RASGRF2: variants seen among roughly 807,000 people sequenced by gnomAD.
RASGRF2 encodes Ras protein specific guanine nucleotide releasing factor 2.
In RASGRF2, 76 loss-of-function variants were observed where a neutral mutation model predicts 151.0. That is an observed-to-expected ratio of 0.50 (90% CI 0.42 to 0.61). The LOEUF (loss-of-function observed/expected upper bound fraction) is 0.61. Among genes scored for constraint, RASGRF2 ranks in the 20% least tolerant of loss-of-function variants. The probability of loss-of-function intolerance (pLI) is 0.00; values close to 1 mark genes in which losing one functional copy is unlikely to be tolerated. For missense variants in RASGRF2, 1,148 were observed against 1,564.6 expected (o/e 0.73, Z 4.49); for synonymous variants, 504 against 566.5 (o/e 0.89, Z 1.57).
At chr5:81,083,323 A>AT (rs1170822590) in intron 7 of RASGRF2, among the ~76,000 whole-genome samples, 1 of 144,664 alleles carries the variant, frequency 6.9e-6, no homozygotes, top group Admixed American at 7.1e-5. Context: ...ACCCTAGTTT[A>AT]TACTGCCAAG....
chr5:81,148,851 GA>G (rs1754065910), intron 17 of RASGRF2, among the ~76,000 whole-genome samples: 1 of 151,872 alleles, frequency 6.6e-6, no homozygotes, highest in Non-Finnish European at 1.5e-5. Flanking sequence ...AAAATAAGAA[GA>G]AGATATACAA....
At chr5:81,139,146 C>G (rs968708261) in intron 17 of RASGRF2, among the ~76,000 whole-genome samples, 6 of 152,036 alleles carry the variant, frequency 3.9e-5, no homozygotes, top group African/African-American at 1.4e-4. Context: ...GTATTTGACT[C>G]TTTTTGGTGT....
rs1343928016 is a variant in RASGRF2 at position 81,038,234 on chromosome 5, T to G, written c.289-4643T>G. 2.0e-5 allele frequency among the ~76,000 whole-genome samples: 3 copies of G among 152,302 alleles called. No homozygotes were observed. In the East Asian group the frequency reaches 5.8e-4, roughly 29 times the overall value. ...TATGGTATATGTGGAGGAGTGATAT[T>G]GCTAAGGTGAGAGGATATGTGCATC... On this transcript the variant is annotated intron_variant, in intron 1 of 26. Transcript: ENST00000265080.
intron 12 of RASGRF2, among the ~76,000 whole-genome samples, chr5:81,102,430 C>T (rs1315992390): frequency 6.6e-6 from 1 of 152,226 alleles, no homozygotes; most frequent in Non-Finnish European, 1.5e-5. Context: ...CACGGTGGCT[C>T]ATGCCTGTAA....
chr5:81,007,677 A>C (rs1327923871), intron 1 of RASGRF2, among the ~76,000 whole-genome samples: 1 of 152,176 alleles, frequency 6.6e-6, no homozygotes, highest in Non-Finnish European at 1.5e-5. Context: ...ATTTAGGACG[A>C]GGAAAGTGAA....
chr5:81,178,062 A>T (rs982282122), intron 17 of RASGRF2, among the ~76,000 whole-genome samples: 1 of 152,200 alleles, frequency 6.6e-6, no homozygotes, highest in African/African-American at 2.4e-5. Flanking sequence ...TCTTTCTAAA[A>T]TCCTAAAGAT....
intron 3 of RASGRF2, among the ~76,000 whole-genome samples, chr5:81,069,840 G>A (rs901137938): frequency 6.6e-6 from 1 of 152,226 alleles, no homozygotes; most frequent in Non-Finnish European, 1.5e-5. Flanking sequence ...CCGGTCTAGA[G>A]AATTTTACTG....
rs1437383571 is a variant in RASGRF2, at chr5:81,094,925, C to G, written c.1688C>G (p.Ala563Gly). Reference protein sequence around the residue: ...KIVVEPPDAAAFTVVLLAPSR... With the variant: ...KIVVEPPDAAGFTVVLLAPSR... ...GTGGTGGAGCCTCCTGACGCTGCCG[C>G]CTTCACTGTTGTCTTGTTAGCACCC... Residue 563 changes from alanine (A) to glycine (G), a missense_variant, in exon 12 of 27, where the codon GCC becomes GGC. Physicochemically the swap from Ala to Gly is moderately conservative, Grantham distance 60 (BLOSUM62 0). Transcript: ENST00000265080. 1 of 1,601,562 alleles carries G rather than the reference C, an allele frequency of 6.2e-7. No homozygotes were observed. Among genetic ancestry groups the G allele is most frequent in the Non-Finnish European group, 8.5e-7 (1 of 1,171,596 alleles).
intron 17 of RASGRF2, among the ~76,000 whole-genome samples, chr5:81,174,941 G>A (rs984212340): frequency 6.6e-6 from 1 of 152,194 alleles, no homozygotes; most frequent in African/African-American, 2.4e-5. Flanking sequence ...TAGCCAAATA[G>A]CGTCTTCTCT....
chr5:81,058,336 T>G (rs1184635478), intron 2 of RASGRF2, among the ~76,000 whole-genome samples: 1 of 152,150 alleles, frequency 6.6e-6, no homozygotes, highest in Non-Finnish European at 1.5e-5. Context: ...AATGGAAAAT[T>G]TAATCACATA....
At chr5:81,142,618 T>C (rs1302512334) in intron 17 of RASGRF2, among the ~76,000 whole-genome samples, 2 of 152,232 alleles carry the variant, frequency 1.3e-5, no homozygotes, top group Non-Finnish European at 2.9e-5. Context: ...GCTGTCTTTT[T>C]ACCTTGCTAG....
chr5:81,153,020 A>T (rs749497785), intron 17 of RASGRF2, among the ~76,000 whole-genome samples: 4 of 152,208 alleles, frequency 2.6e-5, no homozygotes, highest in Non-Finnish European at 4.4e-5. Flanking sequence ...TGAAGTTGTG[A>T]TTCTGGGTGG....
At chr5:81,169,901 C>T (rs1405857718) in intron 17 of RASGRF2, among the ~76,000 whole-genome samples, 5 of 133,148 alleles carry the variant, frequency 3.8e-5, no homozygotes, top group Non-Finnish European at 8.1e-5. Context: ...ACCTGTATCA[C>T]CCATACCACC....
chr5:80,988,950 A>G lies in RASGRF2; in HGVS notation c.288+27924A>G, dbSNP rs144733238. On this transcript the variant is annotated intron_variant, in intron 1 of 26. Coordinates refer to ENST00000265080, the MANE Select transcript of RASGRF2 (RefSeq NM_006909.3). The stretch of plus-strand genomic sequence containing the variant: ...ACATTAAAAAATTAAGGTGACATCC[A>G]TTGAGCATCAGAAAGTTGAGCATCA... Among the ~76,000 whole-genome samples, 1,090 of 152,212 alleles carry G rather than the reference A, an allele frequency of 7.2e-3. 10 individuals carry two copies. Among genetic ancestry groups the G allele is most frequent in the African/African-American group, 0.025 (1,034 of 41,518 alleles).
chr5:81,097,787 G>GA (rs894997081), intron 12 of RASGRF2, among the ~76,000 whole-genome samples: 63 of 150,694 alleles, frequency 4.2e-4, no homozygotes, highest in African/African-American at 1.2e-3. Context: ...AGGGAGAATA[G>GA]AAAAAAAAAG....
At chr5:81,165,273 A>G (rs1754479938) in intron 17 of RASGRF2, among the ~76,000 whole-genome samples, 3 of 152,342 alleles carry the variant, frequency 2.0e-5, no homozygotes, top group South Asian at 4.1e-4. Context: ...GACTCAGGAA[A>G]TACCAAGGTC....
At chr5:81,140,551 C>T (rs1222183831) in intron 17 of RASGRF2, among the ~76,000 whole-genome samples, 2 of 152,158 alleles carry the variant, frequency 1.3e-5, no homozygotes, top group Non-Finnish European at 2.9e-5. Context: ...TGCGAAGCAG[C>T]TAGAATGCTC....
chr5:81,127,192 A>T lies in RASGRF2; in HGVS notation c.2686+29A>T, dbSNP rs1331585168. On this transcript the variant is annotated intron_variant, in intron 17 of 26. Coordinates refer to ENST00000265080, the MANE Select transcript of RASGRF2 (RefSeq NM_006909.3). Reference sequence around the variant, plus strand: ...AGTAGGGGAGCAGCTATGTACAGATATGTGACCATTTATATTAAGTCAGTG... The same window carrying T: ...AGTAGGGGAGCAGCTATGTACAGATTTGTGACCATTTATATTAAGTCAGTG... 3.2e-6 allele frequency: 5 copies of T among 1,587,212 alleles called. No homozygotes were observed. The South Asian group carries it at 4.4e-5, about 14-fold the overall frequency.
intron 17 of RASGRF2, among the ~76,000 whole-genome samples, chr5:81,174,419 G>A (rs1754726276): frequency 6.6e-6 from 1 of 152,206 alleles, no homozygotes; most frequent in Admixed American, 6.5e-5. Context: ...AAGAGGGTGA[G>A]AACTGAATGG....
Sources: gnomAD v4.1 joint callset for allele counts (sites outside exome capture counted in the v4.1 genomes callset) on GRCh38, gnomAD v4.1.1 for gene constraint, MANE v1.5 for transcripts, NCBI Gene and HGNC (gene_info 2026-07-23, HGNC 2026-07-21) for gene names.